Variants in WDTC1 observed in about 807,000 individuals in gnomAD.
WDTC1 encodes the protein WD and tetratricopeptide repeats 1.
WDTC1 carries 12 observed loss-of-function variants against 76.0 expected under a neutral mutation model. The observed-to-expected ratio is 0.16, with a 90% CI of 0.10 to 0.26. The LOEUF (loss-of-function observed/expected upper bound fraction) is 0.26, where lower values mean the gene tolerates loss of function less well. WDTC1 is among the 10% of genes least tolerant of loss of function. WDTC1 has a pLI of 1.00. For synonymous variants in WDTC1, 326 were observed against 350.8 expected (o/e 0.93, Z 0.79); for missense variants, 511 against 908.8 (o/e 0.56, Z 5.63).
intron 1 of WDTC1, among the ~76,000 whole-genome samples, chr1:27,244,070 C>T (rs776206498): frequency 3.3e-5 from 5 of 151,520 alleles, no homozygotes; most frequent in African/African-American, 4.9e-5. Flanking sequence ...CTCTTGGGCC[C>T]GGGAGGCAGA....
Position 27,274,813 on chromosome 1 carries a change from T to C in WDTC1, c.133-7426T>C, listed in dbSNP as rs954238558. On this transcript the variant is annotated intron_variant, in intron 3 of 15. Coordinates refer to ENST00000319394, the MANE Select transcript of WDTC1 (RefSeq NM_001276252.2). This position sits in a 1 kb window ranked among gnomAD's most constrained non-coding sequence, Gnocchi z 4.2. ...TTACCAGGGATCTCCCAAGATCACC[T>C]TGGAAGTTGTGATCACACTTTGATT... is the stretch of plus-strand genomic sequence containing the variant. Among the ~76,000 whole-genome samples the C allele has an allele frequency of 2.6e-5, 4 of 152,184 alleles. No homozygotes were observed. Among genetic ancestry groups the C allele is most frequent in the African/African-American group, 9.7e-5 (4 of 41,448 alleles).
chr1:27,290,836 T>C (rs2147976244), intron 6 of WDTC1, among the ~76,000 whole-genome samples: 1 of 152,322 alleles, frequency 6.6e-6, no homozygotes, highest in East Asian at 1.9e-4. Flanking sequence ...AATTATAACA[T>C]AGTCAAGAGC....
At chr1:27,295,715 A>C (rs1237243825) in intron 9 of WDTC1, among the ~76,000 whole-genome samples, 1 of 151,938 alleles carries the variant, frequency 6.6e-6, no homozygotes, top group Non-Finnish European at 1.5e-5. Flanking sequence ...TCACCCTCCC[A>C]AATGCTGGGA....
chr1:27,235,039 G>A, intron 1 of WDTC1, 88 bp downstream of exon 1: 1 of 357,460 alleles, frequency 2.8e-6, no homozygotes, highest in Non-Finnish European at 5.0e-6. Flanking sequence ...GCCCGCTCTG[G>A]GCCGGCTCCA....
chr1:27,278,325 C>T (rs2013089101), intron 3 of WDTC1, among the ~76,000 whole-genome samples: 1 of 152,116 alleles, frequency 6.6e-6, no homozygotes, highest in South Asian at 2.1e-4. Flanking sequence ...TGAGCCTTTA[C>T]AGAAAAGATT....
intron 3 of WDTC1, among the ~76,000 whole-genome samples, chr1:27,269,164 CA>C (rs34447091): frequency 4.2e-4 from 25 of 58,840 alleles, no homozygotes; most frequent in African/African-American, 2.0e-3. Context: ...CCTGTTTCTC[CA>C]AAAAAAAAAA....
At chr1:27,258,188 T>C (rs2012346922) in intron 1 of WDTC1, among the ~76,000 whole-genome samples, 1 of 150,686 alleles carries the variant, frequency 6.6e-6, no homozygotes, top group Non-Finnish European at 1.5e-5. Flanking sequence ...TGCTTGAGCC[T>C]AGGAGTTTGA....
rs376251161 is a variant in WDTC1, at chr1:27,257,158, G to A, written c.-99-3798G>A. Among the ~76,000 whole-genome samples the A allele has an allele frequency of 4.4e-4, 67 of 152,168 alleles. No individual in the cohort carries two copies. The South Asian group carries it at 9.3e-3, about 21-fold the overall frequency. ...ATTACAGGCGTGAGCCACCGTGCCC[G>A]GCCTGGCAACATATATTTCTTAGTA... is the stretch of plus-strand genomic sequence containing the variant. On this transcript the variant is annotated intron_variant, in intron 1 of 15. Transcript: ENST00000319394.
At chr1:27,254,173 G>A (rs1292427810) in intron 1 of WDTC1, among the ~76,000 whole-genome samples, 1 of 152,166 alleles carries the variant, frequency 6.6e-6, no homozygotes, top group African/African-American at 2.4e-5. Context: ...TAGTTTGTCT[G>A]CCTGTAAAAG....
chr1:27,249,933 TC>T (rs1218963068), intron 1 of WDTC1, among the ~76,000 whole-genome samples: 6 of 152,120 alleles, frequency 3.9e-5, no homozygotes, highest in Non-Finnish European at 8.8e-5. Flanking sequence ...TTTAACAACG[TC>T]ACGATTTTCC....
chr1:27,265,719 G>A (rs1051119011), intron 3 of WDTC1, among the ~76,000 whole-genome samples: 8 of 152,086 alleles, frequency 5.3e-5, no homozygotes, highest in African/African-American at 1.7e-4. Flanking sequence ...GCTGAGGCAG[G>A]GGGATCACCT....
At chr1:27,289,830 C>T (rs1195074764) in intron 6 of WDTC1, among the ~76,000 whole-genome samples, 1 of 152,138 alleles carries the variant, frequency 6.6e-6, no homozygotes, top group Non-Finnish European at 1.5e-5. Flanking sequence ...CAAAAAAATA[C>T]GAAAACCAGT....
At chr1:27,300,262 A>G (rs888691639) in intron 12 of WDTC1, among the ~76,000 whole-genome samples, 1 of 151,934 alleles carries the variant, frequency 6.6e-6, no homozygotes, top group Non-Finnish European at 1.5e-5. Context: ...AGAAGGGGCC[A>G]TTAACTCTAA....
chr1:27,241,994 C>T (rs1240246302), intron 1 of WDTC1, among the ~76,000 whole-genome samples: 1 of 151,256 alleles, frequency 6.6e-6, no homozygotes, highest in Non-Finnish European at 1.5e-5. Context: ...TGGGTTCAAG[C>T]GATTCTCTTG....
intron 3 of WDTC1, among the ~76,000 whole-genome samples, chr1:27,270,112 C>T (rs1368756319): frequency 6.6e-6 from 1 of 151,984 alleles, no homozygotes; most frequent in African/African-American, 2.4e-5. Context: ...TAGTTAGAAA[C>T]AGGGTTTTAC....
intron 3 of WDTC1, among the ~76,000 whole-genome samples, chr1:27,278,936 G>A (rs554085682): frequency 1.3e-5 from 2 of 152,246 alleles, no homozygotes; most frequent in African/African-American, 4.8e-5. Flanking sequence ...AGTGATGTGT[G>A]CTTCGAACCC....
At chr1:27,249,202 G>A (rs1488941525) in intron 1 of WDTC1, among the ~76,000 whole-genome samples, 1 of 151,050 alleles carries the variant, frequency 6.6e-6, no homozygotes, top group Non-Finnish European at 1.5e-5. Context: ...CTGAGAGGCA[G>A]AGGCTGTAGT....
chr1:27,246,130 A>G (rs1443222919), intron 1 of WDTC1, among the ~76,000 whole-genome samples: 3 of 152,214 alleles, frequency 2.0e-5, no homozygotes, highest in African/African-American at 4.8e-5. Context: ...CTTAAATTAT[A>G]CAATTCATTG....
At chr1:27,290,027 G>A (rs917354404) in intron 6 of WDTC1, among the ~76,000 whole-genome samples, 2 of 151,582 alleles carry the variant, frequency 1.3e-5, no homozygotes, top group Admixed American at 6.6e-5. Flanking sequence ...AGACCGTGGG[G>A]AGAGGGAGAG....
Sources: allele counts gnomAD v4.1 joint callset (sites outside exome capture counted in the v4.1 genomes callset), GRCh38; gene constraint gnomAD v4.1.1; non-coding constraint Gnocchi (gnomAD v3.1); transcripts MANE v1.5; gene names NCBI Gene and HGNC (gene_info 2026-07-23, HGNC 2026-07-21).